Variants in ROBO2 observed in about 807,000 individuals in gnomAD.
The protein encoded by ROBO2 is roundabout guidance receptor 2.
In ROBO2, 53 loss-of-function variants were observed where a neutral mutation model predicts 160.8. The ratio of observed to expected loss-of-function variants is 0.33; its 90% CI spans 0.26 to 0.41. ROBO2 has a LOEUF of 0.41. ROBO2 is among the 10% of genes least tolerant of loss of function. The pLI is 1.00. For missense variants in ROBO2, 1,577 were observed against 1,722.4 expected, an observed-to-expected ratio of 0.92 and a Z score of 1.49; for synonymous variants, 664 against 611.7, an observed-to-expected ratio of 1.09 and a Z score of -1.26.
intron 2 of ROBO2, among the ~76,000 whole-genome samples, chr3:76,506,594 A>G (rs941154674): frequency 6.6e-6 from 1 of 152,074 alleles, no homozygotes; most frequent in Non-Finnish European, 1.5e-5. Flanking sequence ...TATTTCCCTT[A>G]TTCTTTGTAC....
intron 2 of ROBO2, among the ~76,000 whole-genome samples, chr3:77,468,294 A>G (rs886335256): frequency 6.6e-6 from 1 of 152,204 alleles, no homozygotes; most frequent in African/African-American, 2.4e-5. Context: ...TTTAACTGCA[A>G]ACCAAAGCAA....
At chr3:76,674,585 C>G (rs2092357356) in intron 2 of ROBO2, among the ~76,000 whole-genome samples, 1 of 134,226 alleles carries the variant, frequency 7.5e-6, no homozygotes, top group African/African-American at 2.8e-5. Context: ...CTAACCCTAG[C>G]CCACCTCCTA....
intron 2 of ROBO2, among the ~76,000 whole-genome samples, chr3:76,875,754 A>C (rs2072645240): frequency 6.6e-6 from 1 of 152,092 alleles, no homozygotes; most frequent in Non-Finnish European, 1.5e-5. Flanking sequence ...TCCCAGGTTC[A>C]AGCAATTCTC....
intron 5 of ROBO2, among the ~76,000 whole-genome samples, chr3:77,511,082 T>C (rs935480131): frequency 2.0e-5 from 3 of 151,846 alleles, no homozygotes; most frequent in Non-Finnish European, 4.4e-5. Context: ...TTAGAGGAGA[T>C]GAAACTCATT....
rs116075396 is a variant in ROBO2 at position 76,102,802 on chromosome 3, A to G, written c.109+165200A>G. On this transcript the variant is annotated intron_variant, in intron 2 of 26. Transcript: ENST00000487694. The stretch of plus-strand genomic sequence containing the variant: ...CTATAAAGAGGAAATGAGATGAAGG[A>G]ATATGTTTTAATACAAAGAGACCTG... Among the ~76,000 whole-genome samples the G allele has an allele frequency of 5.4e-3, 811 of 151,432 alleles. 11 individuals carry two copies. The highest frequency in any genetic ancestry group is 0.019 in the African/African-American group (784 of 40,964).
chr3:76,206,844 T>G (rs1244826606), intron 2 of ROBO2, among the ~76,000 whole-genome samples: 1 of 152,166 alleles, frequency 6.6e-6, no homozygotes, highest in Non-Finnish European at 1.5e-5. Context: ...TACCCACAGC[T>G]AGGCACATCA....
chr3:77,049,577 T>C (rs1010373684), intron 1 of ROBO2, among the ~76,000 whole-genome samples: 7 of 152,340 alleles, frequency 4.6e-5, no homozygotes, highest in Admixed American at 1.3e-4. Flanking sequence ...ATTTTAAAAA[T>C]TTAATACTAA....
At chr3:75,929,917 ACT>A (rs1472214980) in intron 1 of ROBO2, among the ~76,000 whole-genome samples, 1 of 151,626 alleles carries the variant, frequency 6.6e-6, no homozygotes, top group African/African-American at 2.4e-5. Flanking sequence ...CTGGTCTCGA[ACT>A]CCTGACCTCA....
chr3:76,801,956 G>T (rs1465823163), intron 2 of ROBO2, among the ~76,000 whole-genome samples: 2 of 152,072 alleles, frequency 1.3e-5, no homozygotes, highest in Non-Finnish European at 2.9e-5. Flanking sequence ...AGAGAGAGAT[G>T]AGGGGATGGC....
At chr3:76,245,867 A>G (rs1705585273) in intron 2 of ROBO2, among the ~76,000 whole-genome samples, 1 of 152,168 alleles carries the variant, frequency 6.6e-6, no homozygotes, top group Non-Finnish European at 1.5e-5. Flanking sequence ...ACTCCCCTTC[A>G]TTCCAACAGC....
chr3:76,297,894 A>G (rs1185051534), intron 2 of ROBO2, among the ~76,000 whole-genome samples: 1 of 152,190 alleles, frequency 6.6e-6, no homozygotes, highest in African/African-American at 2.4e-5. Context: ...GATAACAGCT[A>G]TAAAACAAGA....
intron 2 of ROBO2, among the ~76,000 whole-genome samples, chr3:76,023,513 G>A (rs1479434769): frequency 2.6e-5 from 4 of 151,592 alleles, no homozygotes; most frequent in Non-Finnish European, 5.9e-5. Context: ...GAAGAAGAGA[G>A]ATGGAAGAAC....
intron 2 of ROBO2, among the ~76,000 whole-genome samples, chr3:76,619,514 T>A (rs1337377859): frequency 6.6e-6 from 1 of 152,236 alleles, no homozygotes; most frequent in Non-Finnish European, 1.5e-5. Flanking sequence ...AGCCACTATT[T>A]GAGGTCATTC....
chr3:76,355,324 A>G (rs1160518811), intron 2 of ROBO2, among the ~76,000 whole-genome samples: 2 of 151,766 alleles, frequency 1.3e-5, no homozygotes, highest in African/African-American at 4.8e-5. Context: ...ACAATAGCTA[A>G]GAGTTTAGCA....
chr3:77,374,498 G>A (rs141940475), intron 2 of ROBO2, among the ~76,000 whole-genome samples: 1 of 152,140 alleles, frequency 6.6e-6, no homozygotes, highest in South Asian at 2.1e-4. Context: ...TGACCTTTTT[G>A]GCCTTAAATA....
At chr3:76,070,535 C>T (rs947767213) in intron 2 of ROBO2, among the ~76,000 whole-genome samples, 29 of 152,274 alleles carry the variant, frequency 1.9e-4, no homozygotes, top group Admixed American at 1.2e-3. Flanking sequence ...ATTTTAATTT[C>T]GCCCCTGTCC....
chr3:76,122,976 T>C (rs1359293058), intron 2 of ROBO2, among the ~76,000 whole-genome samples: 1 of 152,114 alleles, frequency 6.6e-6, no homozygotes, highest in Admixed American at 6.5e-5. Context: ...CTTGATCTCC[T>C]GACCTCCTGA....
chr3:77,320,338 G>A (rs182459704), intron 2 of ROBO2, among the ~76,000 whole-genome samples: 1 of 152,206 alleles, frequency 6.6e-6, no homozygotes, highest in Admixed American at 6.5e-5. Flanking sequence ...CAAGTTCTTA[G>A]GAGCCCTCTC....
chr3:76,099,940 G>A (rs761639297), intron 2 of ROBO2, among the ~76,000 whole-genome samples: 49 of 152,090 alleles, frequency 3.2e-4, no homozygotes, highest in African/African-American at 9.4e-4. Context: ...AATAGTTTTC[G>A]TCTGTAGGTA....
Sources: allele counts gnomAD v4.1 joint callset (sites outside exome capture counted in the v4.1 genomes callset), GRCh38; gene constraint gnomAD v4.1.1; transcripts MANE v1.5; gene names NCBI Gene and HGNC (gene_info 2026-07-23, HGNC 2026-07-21).